Variants in MYO9A observed in about 807,000 individuals in gnomAD.
MYO9A encodes myosin IXA.
Under a neutral mutation model 293.3 loss-of-function variants are expected in MYO9A, and 103 were observed. The observed-to-expected ratio is 0.35, with a 90% CI of 0.30 to 0.41. The LOEUF is 0.41. Among genes scored for constraint, MYO9A ranks in the 10% least tolerant of loss-of-function variants. MYO9A has a pLI of 1.00. For missense variants in MYO9A, 2,685 were observed against 3,033.0 expected (o/e 0.89, Z 2.69); for synonymous variants, 1,001 against 1,035.7 (o/e 0.97, Z 0.64).
At chr15:71,947,206 C>T (rs986391842) in intron 15 of MYO9A, among the ~76,000 whole-genome samples, 7 of 148,110 alleles carry the variant, frequency 4.7e-5, no homozygotes, top group African/African-American at 1.0e-4. Flanking sequence ...CACTTGAACC[C>T]GGGAGGTGGA....
intron 32 of MYO9A, among the ~76,000 whole-genome samples, chr15:71,872,562 C>T (rs984374923): frequency 6.6e-6 from 1 of 152,056 alleles, no homozygotes; most frequent in South Asian, 2.1e-4. Flanking sequence ...ATTCATGTAA[C>T]GAATACTCAC....
At position 71,826,886 on chromosome 15, in the gene MYO9A, G is replaced by A. The variant is rs2054526110; in HGVS notation, c.7341C>T (p.Thr2447=). ...TGGAATAAATCTGAAATAGTTTTCT[G>A]GTCCCATGAGATGATGCCGTGTTAG... ...CLSNTASSHG[T]RKLFQIYSKS... Residue 2447 remains threonine (T), a synonymous_variant, in exon 42 of 42, where the codon ACC becomes ACT. Coordinates refer to ENST00000356056, the MANE Select transcript of MYO9A (RefSeq NM_006901.4). The A allele has an allele frequency of 6.2e-7, 1 of 1,614,094 alleles. No individual in the cohort carries two copies.
chr15:71,907,685 T>C (rs934008894), intron 19 of MYO9A, among the ~76,000 whole-genome samples: 1 of 151,302 alleles, frequency 6.6e-6, no homozygotes, highest in Non-Finnish European at 1.5e-5. Context: ...TGCATTTCTC[T>C]GATGGCCAGT....
intron 14 of MYO9A, among the ~76,000 whole-genome samples, chr15:71,954,609 T>C (rs1293836999): frequency 6.6e-6 from 1 of 152,236 alleles, no homozygotes; most frequent in Non-Finnish European, 1.5e-5. Flanking sequence ...ACCAAACACA[T>C]AGTATAAATT....
intron 14 of MYO9A, among the ~76,000 whole-genome samples, 161 bp from the exon 15 acceptor site, chr15:71,952,057 T>C (rs1390496824): frequency 6.6e-6 from 1 of 152,172 alleles, no homozygotes; most frequent in Non-Finnish European, 1.5e-5. Flanking sequence ...CCAATTATTT[T>C]GAGGAAAATG....
intron 1 of MYO9A, among the ~76,000 whole-genome samples, chr15:72,085,407 A>AT (rs944832689): frequency 6.6e-6 from 1 of 151,808 alleles, no homozygotes; most frequent in African/African-American, 2.4e-5. Flanking sequence ...AAAAAAAAAA[A>AT]GAAAAAATGA....
chr15:71,826,302 A>G lies in MYO9A; in HGVS notation c.*278T>C, dbSNP rs923540458. ...GGGAAAAGAGGGTGGGGGAGAGGCA[A>G]CTACAACTGACCCAAATCCCCAGGC... is the stretch of plus-strand genomic sequence containing the variant. On this transcript the variant is annotated 3_prime_UTR_variant, in exon 42 of 42. Transcript: ENST00000356056. 1.1e-5 allele frequency: 4 copies of G among 359,218 alleles called. No homozygotes were observed. Among genetic ancestry groups the G allele is most frequent in the African/African-American group, 6.3e-5 (3 of 47,704 alleles). 22.3% of individuals were successfully genotyped at this position (359,218 alleles called of 1,614,324 possible).
At chr15:72,038,792 AAG>A (rs1209228089) in intron 2 of MYO9A, among the ~76,000 whole-genome samples, 3 of 152,232 alleles carry the variant, frequency 2.0e-5, no homozygotes, top group Non-Finnish European at 4.4e-5. Context: ...TGAGAGAAAT[AAG>A]AGTCTATCTT....
At chr15:71,928,131 G>A (rs1466158975) in intron 18 of MYO9A, among the ~76,000 whole-genome samples, 3 of 105,518 alleles carry the variant, frequency 2.8e-5, no homozygotes, top group African/African-American at 6.9e-5. Flanking sequence ...ACTGCGGACT[G>A]CAGTGGCGCA....
At chr15:71,978,422 G>T in intron 11 of MYO9A, 130 bp from the exon 12 acceptor site, 2 of 673,456 alleles carry the variant, frequency 3.0e-6, no homozygotes, top group Admixed American at 3.7e-5. Flanking sequence ...CACAATGAAA[G>T]AATGTATAAT....
chr15:72,015,559 T>C lies in MYO9A; in HGVS notation c.1155+3480A>G, dbSNP rs1252380580. On this transcript the variant is annotated intron_variant, in intron 6 of 41. Coordinates refer to ENST00000356056, the MANE Select transcript of MYO9A (RefSeq NM_006901.4). ...GGTGGAACCAACAGTGTCCTGAGAC[T>C]ATCACTTATGGCAATGACCATTAAA... 2.0e-5 allele frequency among the ~76,000 whole-genome samples: 3 copies of C among 152,146 alleles called. No individual in the cohort carries two copies. The East Asian group carries it at 5.8e-4, about 29-fold the overall frequency.
Position 71,826,996 on chromosome 15 carries a change from G to T in MYO9A, c.7231C>A (p.Pro2411Thr), listed in dbSNP as rs1229494594. 1.2e-6 allele frequency: 2 copies of T among 1,610,252 alleles called. No homozygotes were observed. The highest frequency in any genetic ancestry group is 1.7e-6 in the Non-Finnish European group (2 of 1,178,506). The change falls in exon 42 of 42, where the codon CCT (proline) becomes ACT (threonine). Residue 2411 changes from proline (P) to threonine (T), a missense_variant. Coordinates refer to ENST00000356056, the MANE Select transcript of MYO9A (RefSeq NM_006901.4). Reference sequence around the variant, plus strand: ...AGTTGCTTTCGCAACTTGCTGGAAGGTTCAGACTTGCCAGCTGTCTTCAGG... The same window carrying T: ...AGTTGCTTTCGCAACTTGCTGGAAGTTTCAGACTTGCCAGCTGTCTTCAGG... ...SSLKTAGKSEPSSKLRKQLKK... is the reference protein window; with the variant it reads ...SSLKTAGKSETSSKLRKQLKK...
chr15:72,066,617 T>C (rs1285962838), intron 1 of MYO9A, among the ~76,000 whole-genome samples: 1 of 152,182 alleles, frequency 6.6e-6, no homozygotes, highest in East Asian at 1.9e-4. Context: ...CATGGTTTCC[T>C]TAGCGGAGAG....
chr15:71,900,985 T>C (rs1290117258), intron 23 of MYO9A, among the ~76,000 whole-genome samples: 1 of 152,240 alleles, frequency 6.6e-6, no homozygotes, highest in Non-Finnish European at 1.5e-5. Context: ...TTAATTTAAA[T>C]TCAATGGAAT....
intron 27 of MYO9A, among the ~76,000 whole-genome samples, chr15:71,885,665 G>C (rs1485096342): frequency 6.6e-6 from 1 of 151,958 alleles, no homozygotes; most frequent in Admixed American, 6.6e-5. Context: ...TTTTGGTATG[G>C]GTCTATTTTC....
chr15:71,863,969 T>A (rs2056237271), intron 32 of MYO9A, among the ~76,000 whole-genome samples: 1 of 152,238 alleles, frequency 6.6e-6, no homozygotes, highest in Non-Finnish European at 1.5e-5. Flanking sequence ...TAAAATCTAT[T>A]GTTTTGGACT....
At chr15:72,051,885 G>A (rs537957724) in intron 1 of MYO9A, among the ~76,000 whole-genome samples, 3 of 152,172 alleles carry the variant, frequency 2.0e-5, no homozygotes, top group Non-Finnish European at 4.4e-5. Flanking sequence ...GCAGGTCCCT[G>A]GTGAAACCCC....
chr15:71,888,964 T>C (rs2057099144), intron 26 of MYO9A, among the ~76,000 whole-genome samples: 2 of 152,086 alleles, frequency 1.3e-5, no homozygotes, highest in South Asian at 2.1e-4. Flanking sequence ...TTTAAAACAA[T>C]GGACAGATAC....
intron 12 of MYO9A, among the ~76,000 whole-genome samples, chr15:71,970,694 G>A (rs1199875643): frequency 6.6e-6 from 1 of 152,122 alleles, no homozygotes; most frequent in Non-Finnish European, 1.5e-5. Context: ...ACAATACGCT[G>A]ACAGATGATG....
Sources: allele counts gnomAD v4.1 joint callset (sites outside exome capture counted in the v4.1 genomes callset), GRCh38; gene constraint gnomAD v4.1.1; transcripts MANE v1.5; gene names NCBI Gene and HGNC (gene_info 2026-07-23, HGNC 2026-07-21).